Variants in ARHGAP11B observed in about 807,000 individuals in gnomAD.
ARHGAP11B encodes inactive Rho GTPase-activating protein 11B.
A neutral mutation model predicts 27.6 loss-of-function variants in ARHGAP11B; 14 were observed. That is an observed-to-expected ratio of 0.51 (90% confidence interval 0.34 to 0.79). ARHGAP11B has a LOEUF of 0.79. Ranked by LOEUF, ARHGAP11B falls within the 30% of genes least tolerant of loss-of-function variation. The pLI is 0.02. For missense variants in ARHGAP11B, 245 were observed against 320.1 expected (o/e 0.77, Z 1.79); for synonymous variants, 82 against 114.1 (o/e 0.72, Z 1.80).
At chr15:30,637,843 G>A (rs1307620592) in intron 6 of ARHGAP11B, among the ~76,000 whole-genome samples, 4 of 143,450 alleles carry the variant, frequency 2.8e-5, no homozygotes, top group Admixed American at 1.4e-4. Flanking sequence ...TTTTTGAGAC[G>A]GAGTCTGTCT....
chr15:30,629,916 G>T (rs780175326), intron 1 of ARHGAP11B, among the ~76,000 whole-genome samples: 8 of 152,192 alleles, frequency 5.3e-5, no homozygotes, highest in Non-Finnish European at 1.0e-4. Context: ...TTTCAGTGCT[G>T]TGGAAAGCGA....
chr15:30,643,590 G>A (rs1200098807), intron 7 of ARHGAP11B, among the ~76,000 whole-genome samples: 1 of 151,962 alleles, frequency 6.6e-6, no homozygotes, highest in Non-Finnish European at 1.5e-5. Flanking sequence ...GTATGTTTTT[G>A]TAATACATGT....
intron 2 of ARHGAP11B, among the ~76,000 whole-genome samples, chr15:30,630,983 G>C (rs1363816478): frequency 6.6e-6 from 1 of 151,924 alleles, no homozygotes; most frequent in South Asian, 2.1e-4. Flanking sequence ...GGGGTGGGAG[G>C]ATTGCTTGAG....
chr15:30,636,800 C>A (rs1460529734), intron 6 of ARHGAP11B, among the ~76,000 whole-genome samples: 1 of 152,096 alleles, frequency 6.6e-6, no homozygotes, highest in African/African-American at 2.4e-5. Context: ...TGGCTTGCAG[C>A]CGCGTCACTC....
At chr15:30,626,939 C>T (rs2060212753) in exon 1 of ARHGAP11B, 4 of 1,612,918 alleles carry the variant, frequency 2.5e-6, no homozygotes, top group Non-Finnish European at 3.4e-6. Context: ...ACAGCAGCCA[C>T]GGAAATAGGG....
chr15:30,646,518 C>T (rs1363371744), intron 9 of ARHGAP11B, among the ~76,000 whole-genome samples: 1 of 151,870 alleles, frequency 6.6e-6, no homozygotes, highest in Admixed American at 6.6e-5. Context: ...ACTTAGATTT[C>T]CATTTTATGT....
exon 11 of ARHGAP11B, chr15:30,649,213 G>A (rs1443545616): frequency 1.3e-5 from 2 of 152,112 alleles, no homozygotes; most frequent in African/African-American, 4.8e-5. Context: ...TGAATAAAAT[G>A]ATACTGAGGT....
At chr15:30,642,066 T>C (rs2140906060) in intron 7 of ARHGAP11B, among the ~76,000 whole-genome samples, 1 of 152,168 alleles carries the variant, frequency 6.6e-6, no homozygotes, top group South Asian at 2.1e-4. Context: ...AAGCTACTTA[T>C]GACACTTTAG....
chr15:30,627,116 GT>G (rs373706428), intron 1 of ARHGAP11B, among the ~76,000 whole-genome samples, 167 bp downstream of exon 1: 10 of 149,802 alleles, frequency 6.7e-5, no homozygotes, highest in Admixed American at 2.0e-4. Flanking sequence ...TGACATTCTT[GT>G]TTTTTTTTTC....
intron 6 of ARHGAP11B, among the ~76,000 whole-genome samples, chr15:30,637,321 A>G (rs563790024): frequency 6.6e-6 from 1 of 152,156 alleles, no homozygotes; most frequent in South Asian, 2.1e-4. Flanking sequence ...CAGCACCACT[A>G]TTCCCTAGAT....
intron 1 of ARHGAP11B, among the ~76,000 whole-genome samples, chr15:30,629,114 C>G (rs992116835): frequency 5.9e-5 from 9 of 152,016 alleles, no homozygotes; most frequent in Admixed American, 1.3e-4. Flanking sequence ...GACACTGATA[C>G]AAGTGTTTTG....
chr15:30,638,721 T>A, intron 6 of ARHGAP11B, 25 bp from the exon 7 acceptor site: 3 of 1,362,914 alleles, frequency 2.2e-6, no homozygotes, highest in Non-Finnish European at 3.0e-6. Context: ...TGTGAAGTTG[T>A]AATTGCTTAT....
intron 2 of ARHGAP11B, among the ~76,000 whole-genome samples, chr15:30,632,464 A>G (rs1327641220): frequency 6.6e-6 from 1 of 151,950 alleles, no homozygotes; most frequent in Non-Finnish European, 1.5e-5. Flanking sequence ...CTGGAATTGC[A>G]AAGTCATATT....
chr15:30,627,004 T>C, intron 1 of ARHGAP11B, 55 bp downstream of exon 1: 2 of 1,608,734 alleles, frequency 1.2e-6, no homozygotes. Flanking sequence ...CCCTTTATCA[T>C]CACTTATTAG....
Position 30,633,596 on chromosome 15 carries a change from T to C in ARHGAP11B, c.297+10T>C, listed in dbSNP as rs1392094416. Reference sequence around the variant, plus strand: ...CCTAAAAGCACTAAAGGTGAGCATATTGTTGAACTATAATTTTTCATTTGA... The same window carrying C: ...CCTAAAAGCACTAAAGGTGAGCATACTGTTGAACTATAATTTTTCATTTGA... On this transcript the variant is annotated intron_variant, in intron 3 of 10. Transcript: ENST00000428041. 3.8e-6 allele frequency: 6 copies of C among 1,599,910 alleles called. No homozygotes were observed. Among genetic ancestry groups the C allele is most frequent in the African/African-American group, 1.3e-5 (1 of 74,210 alleles).
intron 7 of ARHGAP11B, chr15:30,641,609 G>A (rs930140840): frequency 6.6e-6 from 1 of 152,050 alleles, no homozygotes; most frequent in African/African-American, 2.4e-5. Flanking sequence ...CAAAGTGCTG[G>A]GATTACAGGT....
exon 5 of ARHGAP11B, chr15:30,635,173 T>C (rs367647653): frequency 6.2e-6 from 10 of 1,613,362 alleles, no homozygotes; most frequent in Non-Finnish European, 7.6e-6. Context: ...AGATGTCTTC[T>C]AACGCAGAAA....
intron 1 of ARHGAP11B, 35 bp from the exon 2 acceptor site, chr15:30,630,668 T>C (rs1311660868): frequency 6.5e-7 from 1 of 1,547,202 alleles, no homozygotes; most frequent in East Asian, 2.2e-5. Flanking sequence ...TTATGCCTAA[T>C]ATTTGTGTTA....
At chr15:30,644,604 A>G (rs1180743436) in intron 7 of ARHGAP11B, 23 of 1,391,374 alleles carry the variant, frequency 1.7e-5, no homozygotes, top group Non-Finnish European at 2.3e-5. Flanking sequence ...AATCTCAAAA[A>G]TTGTCTCAAA....
Sources: allele counts gnomAD v4.1 joint callset (sites outside exome capture counted in the v4.1 genomes callset), GRCh38; gene constraint gnomAD v4.1.1; transcripts MANE v1.5; gene names NCBI Gene and HGNC (gene_info 2026-07-23, HGNC 2026-07-21).